The following ANO10 variants were observed in gnomAD, a reference collection of about 807,000 sequenced individuals.
The protein encoded by ANO10 is anoctamin-10.
A neutral mutation model predicts 74.7 loss-of-function variants in ANO10; 77 were observed. That is an observed-to-expected ratio of 1.03 (90% CI 0.86 to 1.25). The LOEUF (loss-of-function observed/expected upper bound fraction) is 1.25, where lower values mean the gene tolerates loss of function less well. Ranked by LOEUF, ANO10 falls within the 50% of genes most tolerant of loss-of-function variation. The pLI, the probability that ANO10 is intolerant of heterozygous loss-of-function variation, is 0.00. For synonymous variants in ANO10, 279 were observed against 284.9 expected (o/e 0.98, Z 0.21); for missense variants, 721 against 778.1 (o/e 0.93, Z 0.87).
intron 10 of ANO10, 93 bp from the exon 11 acceptor site, chr3:43,549,941 T>A: frequency 7.0e-7 from 1 of 1,434,942 alleles, no homozygotes; most frequent in Non-Finnish European, 9.7e-7. Flanking sequence ...AAGGAAAATG[T>A]CTTACCCTAG....
chr3:43,439,009 C>T (rs1489747383), intron 11 of ANO10, among the ~76,000 whole-genome samples: 1 of 151,920 alleles, frequency 6.6e-6, no homozygotes, highest in Non-Finnish European at 1.5e-5. Context: ...CTTACCAAAT[C>T]TGAAGAAATG....
chr3:43,601,013 G>A (rs933136166), intron 2 of ANO10, among the ~76,000 whole-genome samples: 10 of 152,150 alleles, frequency 6.6e-5, no homozygotes, highest in Non-Finnish European at 1.3e-4. Context: ...AACAGATTTT[G>A]TGAATGTTAA....
chr3:43,558,764 T>C (rs1234509596), intron 9 of ANO10, among the ~76,000 whole-genome samples: 1 of 152,134 alleles, frequency 6.6e-6, no homozygotes. Context: ...CTAGAATAAA[T>C]GTGATCCAAA....
chr3:43,631,774 A>T (rs2083550608), intron 1 of ANO10, among the ~76,000 whole-genome samples: 1 of 151,896 alleles, frequency 6.6e-6, no homozygotes, highest in African/African-American at 2.4e-5. Context: ...AAAAAGAAGA[A>T]AGAAAAGAAA....
intron 1 of ANO10, among the ~76,000 whole-genome samples, chr3:43,650,683 T>C (rs1178164271): frequency 1.3e-5 from 2 of 152,224 alleles, no homozygotes; most frequent in African/African-American, 2.4e-5. Context: ...GAATCATTTT[T>C]TTCCAGTTTT....
chr3:43,543,941 T>C (rs2079068256), intron 11 of ANO10, among the ~76,000 whole-genome samples: 1 of 152,148 alleles, frequency 6.6e-6, no homozygotes, highest in African/African-American at 2.4e-5. Context: ...TCAACATGTC[T>C]GATAGGTACA....
chr3:43,592,147 C>A (rs2081806891), intron 4 of ANO10, among the ~76,000 whole-genome samples: 1 of 152,246 alleles, frequency 6.6e-6, no homozygotes, highest in African/African-American at 2.4e-5. Flanking sequence ...GGCCTGCCAG[C>A]CTCTGTAGAC....
At chr3:43,679,845 T>G (rs2084171500) in intron 1 of ANO10, among the ~76,000 whole-genome samples, 1 of 152,148 alleles carries the variant, frequency 6.6e-6, no homozygotes, top group Non-Finnish European at 1.5e-5. Flanking sequence ...GGAGTGGACC[T>G]CCAGCAAACT....
chr3:43,389,965 C>T (rs1464171828), intron 12 of ANO10, among the ~76,000 whole-genome samples: 1 of 152,170 alleles, frequency 6.6e-6, no homozygotes, highest in Admixed American at 6.6e-5. Context: ...GGCCTTGACT[C>T]AATGAGAGGA....
intron 11 of ANO10, among the ~76,000 whole-genome samples, chr3:43,489,671 T>A (rs2076643170): frequency 6.6e-6 from 1 of 152,120 alleles, no homozygotes; most frequent in South Asian, 2.1e-4. Flanking sequence ...CGTCAATAAT[T>A]TCATTTCAGG....
At chr3:43,381,980 A>C (rs1254684468) in intron 12 of ANO10, among the ~76,000 whole-genome samples, 1 of 152,226 alleles carries the variant, frequency 6.6e-6, no homozygotes, top group African/African-American at 2.4e-5. Flanking sequence ...TTGGGTCAAC[A>C]ATGAAATCAA....
intron 12 of ANO10, among the ~76,000 whole-genome samples, chr3:43,373,762 C>T (rs991167419): frequency 2.0e-5 from 3 of 152,188 alleles, no homozygotes; most frequent in Admixed American, 6.5e-5. Context: ...ACAGCCACCT[C>T]CCAAATCTGG....
chr3:43,466,523 G>A (rs977934096), intron 11 of ANO10, among the ~76,000 whole-genome samples: 1 of 151,920 alleles, frequency 6.6e-6, no homozygotes, highest in Non-Finnish European at 1.5e-5. Context: ...GAGAAAAAAG[G>A]GTCTTTTAAA....
chr3:43,510,291 C>T lies in ANO10; in HGVS notation c.1797+39429G>A, dbSNP rs572030286. Among the ~76,000 whole-genome samples the T allele has an allele frequency of 2.9e-4, 44 of 151,956 alleles. 1 individual carries two copies. The Middle Eastern group carries it at 0.017, about 59-fold the overall frequency. ...CTAAAAATACAAAAAGTTAGCCAGGCGTGGTGATGCATGCCTGTAATCCTG... is the reference window on the plus strand; with the variant it reads ...CTAAAAATACAAAAAGTTAGCCAGGTGTGGTGATGCATGCCTGTAATCCTG... On this transcript the variant is annotated intron_variant, in intron 11 of 12. Coordinates refer to ENST00000292246, the MANE Select transcript of ANO10 (RefSeq NM_018075.5).
rs752597500 is a variant in ANO10, at chr3:43,372,736, T to A, written c.1915-5762A>T. The stretch of plus-strand genomic sequence containing the variant: ...TAAATGTTCTATCCTACCTGGTATG[T>A]GGTCTCCAGAGAGCAGGGCCATGAC... On this transcript the variant is annotated intron_variant, in intron 12 of 12. Coordinates refer to ENST00000292246, the MANE Select transcript of ANO10 (RefSeq NM_018075.5). 7 of 952,484 alleles carry A rather than the reference T, an allele frequency of 7.3e-6. No homozygotes were observed. In the South Asian group the frequency reaches 1.0e-4, roughly 14 times the overall value. 59.0% of individuals were successfully genotyped at this position (952,484 alleles called of 1,614,324 possible). A position where few individuals can be genotyped will look rare whatever the true frequency, so the allele number is the denominator to read the frequency against.
chr3:43,367,473 C>G (rs1214468230), intron 12 of ANO10, among the ~76,000 whole-genome samples: 1 of 152,178 alleles, frequency 6.6e-6, no homozygotes. Flanking sequence ...TGCCCCAAAT[C>G]ATCAGATGTT....
At chr3:43,384,770 C>G (rs79492603) in intron 12 of ANO10, among the ~76,000 whole-genome samples, 3,690 of 152,226 alleles carry the variant, frequency 0.024, 161 homozygotes, top group African/African-American at 0.083. Context: ...AAAATCAACT[C>G]AAGATTAATC....
chr3:43,494,680 C>T (rs190182378), intron 11 of ANO10, among the ~76,000 whole-genome samples: 1 of 151,910 alleles, frequency 6.6e-6, no homozygotes, highest in African/African-American at 2.4e-5. Flanking sequence ...ATACTATTTA[C>T]AAGAGAAATA....
intron 7 of ANO10, among the ~76,000 whole-genome samples, chr3:43,567,713 C>G (rs1042782853): frequency 3.3e-5 from 5 of 152,010 alleles, no homozygotes; most frequent in African/African-American, 1.2e-4. Context: ...CAACTGGTAC[C>G]AGCCACTGCA....
Sources: allele counts gnomAD v4.1 joint callset (sites outside exome capture counted in the v4.1 genomes callset), GRCh38; gene constraint gnomAD v4.1.1; transcripts MANE v1.5; gene names NCBI Gene and HGNC (gene_info 2026-07-23, HGNC 2026-07-21).